THOC5: variants seen among roughly 807,000 people sequenced by gnomAD.
THOC5 encodes the protein THO complex subunit 5.
In THOC5, 43 loss-of-function variants were observed where a neutral mutation model predicts 92.9. The observed-to-expected ratio is 0.46, with a 90% confidence interval of 0.36 to 0.60. The LOEUF (loss-of-function observed/expected upper bound fraction) is 0.60, where lower values mean the gene tolerates loss of function less well. THOC5 is among the 20% of genes least tolerant of loss of function. THOC5 has a pLI of 0.00. For missense variants in THOC5, 659 were observed against 849.4 expected, an observed-to-expected ratio of 0.78 and a Z score of 2.79; for synonymous variants, 296 against 320.1, an observed-to-expected ratio of 0.92 and a Z score of 0.80.
At chr22:29,523,874 T>C (rs2063493548) in intron 12 of THOC5, among the ~76,000 whole-genome samples, 1 of 152,230 alleles carries the variant, frequency 6.6e-6, no homozygotes, top group Non-Finnish European at 1.5e-5. Context: ...AATATACCCT[T>C]TATGTTTTAA....
chr22:29,509,663 A>G (rs2063187098), intron 19 of THOC5, among the ~76,000 whole-genome samples: 2 of 150,636 alleles, frequency 1.3e-5, no homozygotes, highest in Admixed American at 6.6e-5. Flanking sequence ...GGAACAGAGA[A>G]CAAGGTGAGG....
intron 2 of THOC5, 96 bp from the exon 3 acceptor site, chr22:29,544,699 C>G (rs1185168812): frequency 5.5e-6 from 7 of 1,277,598 alleles, no homozygotes; most frequent in Non-Finnish European, 7.4e-6. Flanking sequence ...TAGATAAAAA[C>G]AGTAACAATG....
At chr22:29,526,169 T>C (rs2063539728) in intron 11 of THOC5, among the ~76,000 whole-genome samples, 1 of 151,954 alleles carries the variant, frequency 6.6e-6, no homozygotes, top group African/African-American at 2.4e-5. Flanking sequence ...AAAATAAAAG[T>C]TGAAATTATA....
Position 29,544,600 on chromosome 22 carries a change from C to G in THOC5, c.100G>C (p.Gly34Arg). ...KRNRSDTEQEGKYYSEEAEVD... is the reference protein window; with the variant it reads ...KRNRSDTEQERKYYSEEAEVD... ...TCGGCCTCCTCACTGTAGTATTTACCTTCCTGTAGAGGTAAGGATAAAGGC... is the reference window on the plus strand; with the variant it reads ...TCGGCCTCCTCACTGTAGTATTTACGTTCCTGTAGAGGTAAGGATAAAGGC... The change falls in exon 3 of 20, where the codon GGT becomes CGT. Residue 34 changes from glycine (G) to arginine (R), a missense_variant. Coordinates refer to ENST00000490103, the MANE Select transcript of THOC5 (RefSeq NM_003678.5). 1 of 1,608,804 alleles carries G rather than the reference C, an allele frequency of 6.2e-7. No homozygotes were observed. Among genetic ancestry groups the G allele is most frequent in the East Asian group, 2.2e-5 (1 of 44,550 alleles).
At chr22:29,552,754 T>C (rs936952368) in intron 1 of THOC5, among the ~76,000 whole-genome samples, 1 of 152,132 alleles carries the variant, frequency 6.6e-6, no homozygotes, top group East Asian at 1.9e-4. Flanking sequence ...CAACAGCTCA[T>C]TGAGAACGGG....
chr22:29,519,235 T>G (rs1277685288), intron 14 of THOC5, 115 bp from the exon 15 acceptor site: 1 of 632,748 alleles, frequency 1.6e-6, no homozygotes, highest in African/African-American at 1.8e-5. Context: ...TGCCCCAAGA[T>G]GGGTACCCTT....
rs1036427056 is a variant in THOC5 at position 29,508,434 on chromosome 22, G to A, written c.*23C>T. 3 of 1,613,694 alleles carry A rather than the reference G, an allele frequency of 1.9e-6. No individual in the cohort carries two copies. Among genetic ancestry groups the A allele is most frequent in the Admixed American group, 3.3e-5 (2 of 60,008 alleles). ...CAGTGCTCAGGGTGAGGCCTTGGGG[G>A]AAACAACGGTCTGCGCGGGAGATCA... is the stretch of plus-strand genomic sequence containing the variant. On this transcript the variant is annotated 3_prime_UTR_variant, in exon 20 of 20. Transcript: ENST00000490103.
chr22:29,529,864 G>A (rs1047903402), intron 8 of THOC5, among the ~76,000 whole-genome samples: 8 of 152,164 alleles, frequency 5.3e-5, no homozygotes, highest in African/African-American at 1.7e-4. Context: ...AGTAGCTGCC[G>A]GGTGCAGTGG....
At chr22:29,549,300 A>G (rs2064093521) in intron 1 of THOC5, 142 bp from the exon 2 acceptor site, 1 of 668,158 alleles carries the variant, frequency 1.5e-6, no homozygotes, top group Admixed American at 2.7e-5. Context: ...TCTGTAATAC[A>G]ACAGGGAAGC....
chr22:29,516,147 G>GAAAAAAAAAAAAA (rs57982377), intron 17 of THOC5, among the ~76,000 whole-genome samples: 1 of 122,056 alleles, frequency 8.2e-6, no homozygotes. Flanking sequence ...TATCTCTACT[G>GAAAAAAAAAAAAA]AAAAAAAAAA....
rs1263132011 is a variant in THOC5, at chr22:29,506,558, A to C, written c.*1899T>G. ...AATGGTGGCACACACCTGTGGTCCC[A>C]GCTACTTGGGAGGCTGAGGCAGGAG... On this transcript the variant is annotated 3_prime_UTR_variant, in exon 20 of 20. Coordinates refer to ENST00000490103, the MANE Select transcript of THOC5 (RefSeq NM_003678.5). 6.6e-6 allele frequency: 1 copy of C among 152,282 alleles called. No individual in the cohort carries two copies. Among genetic ancestry groups the C allele is most frequent in the Non-Finnish European group, 1.5e-5 (1 of 68,110 alleles). The allele number at this position is 152,282 out of a possible 1,614,324, so 9.4% of individuals were successfully genotyped here.
In THOC5 at chr22:29,528,313, A is replaced by G. The variant is rs773775348; in HGVS notation, c.966+113T>C. The G allele has an allele frequency of 3.1e-6, 5 of 1,613,816 alleles. No homozygotes were observed. The Admixed American group carries it at 5.0e-5, about 16-fold the overall frequency. ...AGCTGGGTTGTCAGACTCCCCTCCC[A>G]GCAGCACCTTCTTTCACACCTCTTC... is the stretch of plus-strand genomic sequence containing the variant. On this transcript the variant is annotated intron_variant, in intron 10 of 19. Transcript: ENST00000490103.
intron 2 of THOC5, among the ~76,000 whole-genome samples, chr22:29,548,406 T>C (rs762943543): frequency 6.6e-6 from 1 of 151,864 alleles, no homozygotes; most frequent in Admixed American, 6.6e-5. Flanking sequence ...AAATACAAAA[T>C]TAGCTGGGCA....
chr22:29,518,753 T>G (rs145437475), intron 15 of THOC5, among the ~76,000 whole-genome samples: 1 of 152,310 alleles, frequency 6.6e-6, no homozygotes, highest in East Asian at 1.9e-4. Flanking sequence ...TCCACAAACT[T>G]GTGCCACCCA....
chr22:29,514,973 G>A (rs1463739975), intron 17 of THOC5, among the ~76,000 whole-genome samples: 1 of 151,898 alleles, frequency 6.6e-6, no homozygotes, highest in Non-Finnish European at 1.5e-5. Flanking sequence ...CCAAAGTGCT[G>A]GGATTACAGG....
rs758268250 is a variant in THOC5 at position 29,539,319 on chromosome 22, G to C, written c.599+11C>G. ...TTTGTGGTTAAAAGGTCAGGAAGGA[G>C]GAAATGCTACCTTTTCCGCTGCTCC... On this transcript the variant is annotated intron_variant, in intron 6 of 19. Coordinates refer to ENST00000490103, the MANE Select transcript of THOC5 (RefSeq NM_003678.5). The C allele has an allele frequency of 1.2e-6, 2 of 1,612,768 alleles. No homozygotes were observed. The highest frequency in any genetic ancestry group is 4.5e-5 in the East Asian group (2 of 44,858).
At chr22:29,537,695 T>A (rs939765251) in intron 6 of THOC5, among the ~76,000 whole-genome samples, 8 of 151,370 alleles carry the variant, frequency 5.3e-5, no homozygotes, top group Non-Finnish European at 1.2e-4. Flanking sequence ...GTAGAGACCA[T>A]CCTGGCCAAC....
intron 18 of THOC5, 130 bp downstream of exon 18, chr22:29,511,891 A>T: frequency 1.3e-6 from 1 of 774,704 alleles, no homozygotes; most frequent in Non-Finnish European, 2.1e-6. Context: ...CAAATTCTGC[A>T]AATCCTGGCA....
intron 1 of THOC5, 58 bp downstream of exon 1, chr22:29,553,613 C>T (rs1042031483): frequency 6.6e-6 from 1 of 152,508 alleles, no homozygotes; most frequent in African/African-American, 2.4e-5. Context: ...GCACCTCAGT[C>T]CCGGAGCGCC....
Sources: allele counts gnomAD v4.1 joint callset (sites outside exome capture counted in the v4.1 genomes callset), GRCh38; gene constraint gnomAD v4.1.1; transcripts MANE v1.5; gene names NCBI Gene and HGNC (gene_info 2026-07-23, HGNC 2026-07-21).